PCBP3: variants seen among roughly 807,000 people sequenced by gnomAD.
The protein encoded by PCBP3 is poly(rC) binding protein 3, also known as poly(rC)-binding protein 3.
Under a neutral mutation model 52.7 loss-of-function variants are expected in PCBP3, and 25 were observed. That is an observed-to-expected ratio of 0.47 (90% CI 0.35 to 0.66). The LOEUF is 0.66. Ranked by LOEUF, PCBP3 falls within the 30% of genes least tolerant of loss-of-function variation. The pLI is 0.01. For missense variants in PCBP3, 391 were observed against 490.3 expected (o/e 0.80, Z 1.91); for synonymous variants, 162 against 183.0 (o/e 0.89, Z 0.93).
chr21:45,826,734 C>G (rs2093318843), intron 4 of PCBP3, among the ~76,000 whole-genome samples: 1 of 152,108 alleles, frequency 6.6e-6, no homozygotes, highest in Non-Finnish European at 1.5e-5. Flanking sequence ...CTGGACAAGT[C>G]AGAAAACTGG....
At chr21:45,854,669 T>C (rs1238315100) in intron 5 of PCBP3, among the ~76,000 whole-genome samples, 2 of 152,260 alleles carry the variant, frequency 1.3e-5, no homozygotes, top group Admixed American at 1.3e-4. Context: ...CTTCACCCGT[T>C]TGGCTGTTAG....
intron 4 of PCBP3, among the ~76,000 whole-genome samples, chr21:45,777,970 CTT>C (rs71318012): frequency 1.5e-4 from 19 of 130,732 alleles, no homozygotes; most frequent in Non-Finnish European, 1.6e-4. Context: ...TGGGGAGGGC[CTT>C]TTTTTTTTTT....
At chr21:45,863,302 C>T (rs905342633) in intron 5 of PCBP3, among the ~76,000 whole-genome samples, 2 of 152,214 alleles carry the variant, frequency 1.3e-5, no homozygotes, top group Admixed American at 6.5e-5. Flanking sequence ...TTTATGCCTA[C>T]GCCACCCATG....
intron 4 of PCBP3, among the ~76,000 whole-genome samples, chr21:45,806,625 T>C (rs1303574162): frequency 6.6e-6 from 1 of 152,064 alleles, no homozygotes; most frequent in Admixed American, 6.6e-5. Context: ...ATTTCATCGT[T>C]CTTTTTTAGA....
intron 1 of PCBP3, among the ~76,000 whole-genome samples, chr21:45,653,558 T>A (rs757452917): frequency 2.6e-5 from 4 of 152,134 alleles, no homozygotes; most frequent in Admixed American, 6.5e-5. Flanking sequence ...ATGCTAGATG[T>A]TTTAGGCTCA....
chr21:45,882,861 G>A (rs1478096952), intron 5 of PCBP3, among the ~76,000 whole-genome samples: 2 of 152,110 alleles, frequency 1.3e-5, no homozygotes, highest in Non-Finnish European at 2.9e-5. Context: ...CAGGCTCTCC[G>A]CTCTCCTCCA....
intron 1 of PCBP3, among the ~76,000 whole-genome samples, chr21:45,645,821 A>G (rs2079212364): frequency 6.6e-6 from 1 of 152,236 alleles, no homozygotes; most frequent in South Asian, 2.1e-4. Flanking sequence ...ACACTGAAAC[A>G]GATTTTAGTA....
At chr21:45,864,718 G>A (rs573334630) in intron 5 of PCBP3, among the ~76,000 whole-genome samples, 21 of 152,232 alleles carry the variant, frequency 1.4e-4, no homozygotes, top group South Asian at 8.3e-4. Context: ...AAGTCATAAC[G>A]GAGTTTGATT....
chr21:45,805,417 C>T lies in PCBP3; in HGVS notation c.-125-44544C>T, dbSNP rs978743263. Among the ~76,000 whole-genome samples, 3 of 151,988 alleles carry T rather than the reference C, an allele frequency of 2.0e-5. No individual in the cohort carries two copies. The highest frequency in any genetic ancestry group is 4.4e-5 in the Non-Finnish European group (3 of 67,996). On this transcript the variant is annotated intron_variant, in intron 4 of 17. Coordinates refer to ENST00000681687, the MANE Select transcript of PCBP3 (RefSeq NM_001384156.1). The surrounding 1 kb of genome is among the most constrained non-coding windows in gnomAD (Gnocchi z 4.6). Reference sequence around the variant, plus strand: ...CACCTGCCCTGTGTGCTGGGCCGTGCGGAGGTGGCCATGGGCAGCCCTTCC... The same window carrying T: ...CACCTGCCCTGTGTGCTGGGCCGTGTGGAGGTGGCCATGGGCAGCCCTTCC...
intron 5 of PCBP3, among the ~76,000 whole-genome samples, chr21:45,892,396 T>C (rs955310318): frequency 2.0e-5 from 3 of 147,854 alleles, no homozygotes; most frequent in African/African-American, 7.6e-5. Context: ...GGAAACAGAG[T>C]GCATTAGTCC....
rs145282167 is a variant in PCBP3, at chr21:45,767,221, C to G, written c.-126+11769C>G. 2.5e-3 allele frequency among the ~76,000 whole-genome samples: 375 copies of G among 152,316 alleles called. 3 individuals are homozygous for G. The Middle Eastern group carries it at 0.068, about 28-fold the overall frequency. Reference sequence around the variant, plus strand: ...CGTTAAGCAGTCCCTCCCAATCCCCCCTTTCCCCAGCCCCTGGCAGCCACT... The same window carrying G: ...CGTTAAGCAGTCCCTCCCAATCCCCGCTTTCCCCAGCCCCTGGCAGCCACT... On this transcript the variant is annotated intron_variant, in intron 4 of 17. Transcript: ENST00000681687.
intron 1 of PCBP3, among the ~76,000 whole-genome samples, chr21:45,657,893 C>T (rs1455881896): frequency 1.3e-5 from 2 of 152,116 alleles, no homozygotes; most frequent in South Asian, 2.1e-4. Context: ...AATCTGCATG[C>T]CTTTTTAAAA....
At chr21:45,863,610 G>T (rs897283924) in intron 5 of PCBP3, among the ~76,000 whole-genome samples, 1 of 152,242 alleles carries the variant, frequency 6.6e-6, no homozygotes, top group African/African-American at 2.4e-5. Flanking sequence ...GGCCAATGGG[G>T]TGGGCAGCCT....
chr21:45,678,539 TC>T (rs2081615050), intron 2 of PCBP3, among the ~76,000 whole-genome samples: 2 of 152,124 alleles, frequency 1.3e-5, no homozygotes, highest in African/African-American at 4.8e-5. Context: ...TTTAAGGGGT[TC>T]CATCCTTTAT....
intron 4 of PCBP3, among the ~76,000 whole-genome samples, chr21:45,756,925 A>G (rs2088108535): frequency 6.6e-6 from 1 of 152,190 alleles, no homozygotes; most frequent in African/African-American, 2.4e-5. Context: ...TAGTTCGTTT[A>G]CACTTTTTGG....
chr21:45,926,281 C>T (rs1396728470), intron 13 of PCBP3, among the ~76,000 whole-genome samples: 4 of 152,188 alleles, frequency 2.6e-5, no homozygotes, highest in African/African-American at 9.7e-5. Flanking sequence ...ACTGCACTGC[C>T]AGCCGTCTAG....
rs2092459014 is a variant in PCBP3 at position 45,805,340 on chromosome 21, A to G, written c.-125-44621A>G. ...GTCTGGGGGGGAAAGTAATTGGAAG[A>G]TTATGGGTGGGTGTGACTGGTAACA... On this transcript the variant is annotated intron_variant, in intron 4 of 17. Coordinates refer to ENST00000681687, the MANE Select transcript of PCBP3 (RefSeq NM_001384156.1). The surrounding 1 kb of genome is among the most constrained non-coding windows in gnomAD (Gnocchi z 4.6). 6.6e-6 allele frequency among the ~76,000 whole-genome samples: 1 copy of G among 151,964 alleles called. No individual in the cohort carries two copies. The highest frequency in any genetic ancestry group is 2.4e-5 in the African/African-American group (1 of 41,362).
Position 45,941,917 on chromosome 21 carries a change from GT to G in PCBP3, c.*213del, listed in dbSNP as rs754806619. 15 of 429,490 alleles carry G rather than the reference GT, an allele frequency of 3.5e-5. No individual in the cohort carries two copies. Among genetic ancestry groups the G allele is most frequent in the East Asian group, 3.2e-4 (9 of 28,164 alleles). The allele number at this position is 429,490 out of a possible 1,614,324, so 26.6% of individuals were successfully genotyped here. A position where few individuals can be genotyped will look rare whatever the true frequency, so the allele number is the denominator to read the frequency against. ...AGGCTCCGCCGAGTCCCCCCTCAGT[GT>G]TATTTTATTTATGACTTACGCTCCC... On this transcript the variant is annotated 3_prime_UTR_variant, in exon 18 of 18. Transcript: ENST00000681687.
intron 4 of PCBP3, among the ~76,000 whole-genome samples, chr21:45,778,170 T>C (rs2090387629): frequency 1.3e-5 from 2 of 152,322 alleles, no homozygotes; most frequent in African/African-American, 2.4e-5. Context: ...CTCTGTATGA[T>C]ATCTTTGTCT....
Sources: gnomAD v4.1 joint callset for allele counts (sites outside exome capture counted in the v4.1 genomes callset) on GRCh38, gnomAD v4.1.1 for gene constraint, Gnocchi (gnomAD v3.1) non-coding constraint, MANE v1.5 for transcripts, NCBI Gene and HGNC (gene_info 2026-07-23, HGNC 2026-07-21) for gene names.